The following LYST variants were observed in gnomAD, a reference collection of about 807,000 sequenced individuals.
The protein encoded by LYST is lysosomal trafficking regulator, also known as lysosomal-trafficking regulator.
A neutral mutation model predicts 413.6 loss-of-function variants in LYST; 192 were observed. The observed-to-expected ratio is 0.46, with a 90% CI of 0.41 to 0.52. The LOEUF is 0.52. LYST is among the 20% of genes least tolerant of loss of function. The pLI is 0.00. For missense variants in LYST, 3,815 were observed against 4,499.9 expected (o/e 0.85, Z 4.35); for synonymous variants, 1,525 against 1,567.3 (o/e 0.97, Z 0.64).
intron 3 of LYST, among the ~76,000 whole-genome samples, chr1:235,814,941 T>G (rs1053004821): frequency 2.6e-5 from 4 of 152,206 alleles, no homozygotes; most frequent in Non-Finnish European, 2.9e-5. Context: ...TACTGGTCTC[T>G]GTGCTCCCAA....
At chr1:235,755,989 C>T (rs988453917) in intron 24 of LYST, among the ~76,000 whole-genome samples, 1 of 150,974 alleles carries the variant, frequency 6.6e-6, no homozygotes, top group Non-Finnish European at 1.5e-5. Flanking sequence ...AAACTATGCT[C>T]TCTCTGCAAA....
chr1:235,845,597 TC>T (rs1400179563), intron 1 of LYST, among the ~76,000 whole-genome samples: 2 of 152,006 alleles, frequency 1.3e-5, no homozygotes, highest in Non-Finnish European at 2.9e-5. Flanking sequence ...GGGGAAGTTT[TC>T]AAGCCCATCT....
chr1:235,819,473 A>G (rs1464698382), intron 3 of LYST, among the ~76,000 whole-genome samples: 1 of 152,168 alleles, frequency 6.6e-6, no homozygotes, highest in Non-Finnish European at 1.5e-5. Context: ...TCCTTTGTAC[A>G]CACAATAGTC....
chr1:235,807,343 T>C (rs1454618609), intron 5 of LYST, among the ~76,000 whole-genome samples: 4 of 152,094 alleles, frequency 2.6e-5, no homozygotes, highest in Non-Finnish European at 5.9e-5. Flanking sequence ...GTTTTTCAGC[T>C]CTGTCTCAGG....
At chr1:235,722,658 G>A (rs919311022) in intron 39 of LYST, among the ~76,000 whole-genome samples, 3 of 152,040 alleles carry the variant, frequency 2.0e-5, no homozygotes, top group African/African-American at 7.2e-5. Context: ...GCTAATTTTT[G>A]TATTTTTAGT....
At chr1:235,862,312 A>G (rs140336386) in intron 1 of LYST, among the ~76,000 whole-genome samples, 19 of 152,256 alleles carry the variant, frequency 1.2e-4, no homozygotes, top group African/African-American at 4.1e-4. Flanking sequence ...CCGCAGATTC[A>G]TTTTCCAAGG....
At position 235,724,218 on chromosome 1, in the gene LYST, G is replaced by A. The variant is rs201693038; in HGVS notation, c.9163-38C>T. 6.9e-3 allele frequency: 10,622 copies of A among 1,539,310 alleles called. 55 individuals are homozygous for A. Among genetic ancestry groups the A allele is most frequent in the Non-Finnish European group, 8.7e-3 (9,693 of 1,118,196 alleles). On this transcript the variant is annotated intron_variant, in intron 38 of 52. Transcript: ENST00000389793. ...AATAGGCAAAAATATTTGTTTTACC[G>A]GAAATATAAATAATTACTTTAATTT...
At chr1:235,810,793 T>C (rs943434530) in intron 4 of LYST, among the ~76,000 whole-genome samples, 5 of 152,172 alleles carry the variant, frequency 3.3e-5, no homozygotes, top group Admixed American at 2.6e-4. Flanking sequence ...GGCACACCTA[T>C]ACTTACTCTA....
chr1:235,716,635 AAATTAGGTAAAAC>A, intron 41 of LYST, 64 bp downstream of exon 41: 1 of 897,890 alleles, frequency 1.1e-6, no homozygotes. Context: ...TATAAATTTA[AAATTAGGTAAAAC>A]ACAAGTCTGT....
chr1:235,794,753 T>C (rs1351215730), intron 10 of LYST, among the ~76,000 whole-genome samples: 2 of 152,168 alleles, frequency 1.3e-5, no homozygotes, highest in African/African-American at 4.8e-5. Context: ...AATGAGACTA[T>C]AAAATAGCAT....
rs756813987 is a variant in LYST at position 235,762,701 on chromosome 1, C to T, written c.6253+19G>A. On this transcript the variant is annotated intron_variant, in intron 22 of 52. Transcript: ENST00000389793. ...GAACTAAAATGAGAAGGTCATACTTCCATTATTGCTATTTTTACCTTCATA... is the reference window on the plus strand; with the variant it reads ...GAACTAAAATGAGAAGGTCATACTTTCATTATTGCTATTTTTACCTTCATA... 6.2e-7 allele frequency: 1 copy of T among 1,610,048 alleles called. No individual in the cohort carries two copies. The highest frequency in any genetic ancestry group is 1.7e-5 in the Admixed American group (1 of 59,968).
At chr1:235,850,896 G>A (rs1304490601) in intron 1 of LYST, among the ~76,000 whole-genome samples, 2 of 152,138 alleles carry the variant, frequency 1.3e-5, no homozygotes, top group East Asian at 3.8e-4. Flanking sequence ...CATGGACGTG[G>A]TGAACAGGGA....
chr1:235,818,229 G>A (rs1463464154), intron 3 of LYST, among the ~76,000 whole-genome samples: 3 of 152,152 alleles, frequency 2.0e-5, no homozygotes, highest in African/African-American at 7.2e-5. Context: ...AGGAGACAAG[G>A]CTGGAGGGTG....
intron 44 of LYST, among the ~76,000 whole-genome samples, 178 bp downstream of exon 44, chr1:235,708,913 G>A (rs780310820): frequency 2.0e-5 from 3 of 152,114 alleles, no homozygotes; most frequent in Non-Finnish European, 4.4e-5. Flanking sequence ...GAAAAAGATA[G>A]TATCTTGTTT....
At chr1:235,793,288 C>A in intron 11 of LYST, among the ~76,000 whole-genome samples, 1 of 152,000 alleles carries the variant, frequency 6.6e-6, no homozygotes, top group Non-Finnish European at 1.5e-5. Flanking sequence ...ATAATCTCAG[C>A]GATATGTCTG....
At chr1:235,744,906 A>G (rs12118609) in intron 29 of LYST, among the ~76,000 whole-genome samples, 1 of 60,338 alleles carries the variant, frequency 1.7e-5, no homozygotes. Flanking sequence ...AAAAAAAAGA[A>G]AAAAAAAAAG....
intron 19 of LYST, among the ~76,000 whole-genome samples, 156 bp downstream of exon 19, chr1:235,773,686 A>G (rs1668938438): frequency 6.6e-6 from 1 of 152,218 alleles, no homozygotes; most frequent in African/African-American, 2.4e-5. Flanking sequence ...ACAAAACAAA[A>G]AAGATTTACA....
chr1:235,869,698 A>G (rs1454720796), upstream of LYST, among the ~76,000 whole-genome samples: 3 of 152,166 alleles, frequency 2.0e-5, no homozygotes, highest in Non-Finnish European at 2.9e-5. Context: ...ATGGATATAT[A>G]AATCAAATCA....
Position 235,664,198 on chromosome 1 carries a change from G to C in LYST, c.11196-143C>G. On this transcript the variant is annotated intron_variant, in intron 51 of 52. Coordinates refer to ENST00000389793, the MANE Select transcript of LYST (RefSeq NM_000081.4). This position sits in a 1 kb window ranked among gnomAD's most constrained non-coding sequence, Gnocchi z 4.5. ...GTAGTTCCCTCTAGGGAGTTTGCAG[G>C]GGGTAGATGTGGGAATAAGAGAACT... The C allele has an allele frequency of 2.7e-6, 2 of 752,118 alleles. No homozygotes were observed. Among genetic ancestry groups the C allele is most frequent in the Non-Finnish European group, 4.6e-6 (2 of 437,530 alleles). The allele number at this position is 752,118 out of a possible 1,614,324, so 46.6% of individuals were successfully genotyped here. A position where few individuals can be genotyped will look rare whatever the true frequency, so the allele number is the denominator to read the frequency against.
Sources: allele counts gnomAD v4.1 joint callset (sites outside exome capture counted in the v4.1 genomes callset), GRCh38; gene constraint gnomAD v4.1.1; non-coding constraint Gnocchi (gnomAD v3.1); transcripts MANE v1.5; gene names NCBI Gene and HGNC (gene_info 2026-07-23, HGNC 2026-07-21).